LIPH: variants seen among roughly 807,000 people sequenced by gnomAD.
LIPH encodes the protein lipase member H.
In LIPH, 32 loss-of-function variants were observed where a neutral mutation model predicts 47.6. The ratio of observed to expected loss-of-function variants is 0.67; its 90% CI spans 0.51 to 0.90. The LOEUF (loss-of-function observed/expected upper bound fraction) is 0.90, where lower values mean the gene tolerates loss of function less well. Ranked by LOEUF, LIPH falls within the 40% of genes least tolerant of loss-of-function variation. The pLI is 0.00. For missense variants in LIPH, 497 were observed against 541.4 expected (o/e 0.92, Z 0.81); for synonymous variants, 190 against 195.6 (o/e 0.97, Z 0.24).
intron 3 of LIPH, among the ~76,000 whole-genome samples, chr3:185,528,244 G>T (rs1168366823): frequency 7.1e-6 from 1 of 141,144 alleles, no homozygotes; most frequent in African/African-American, 2.7e-5. Flanking sequence ...GAGAGAGAGA[G>T]AGAAAGAAAA....
intron 3 of LIPH, among the ~76,000 whole-genome samples, chr3:185,528,323 G>GAAGAAGAAAGAAAGAAAGAAAGAAAGA (rs1553822829): frequency 8.0e-6 from 1 of 125,514 alleles, no homozygotes; most frequent in Admixed American, 8.9e-5. Flanking sequence ...AAGAAAGAAA[G>GAAGAAGAAAGAAAGAAAGAAAGAAAGA]AAGAAAGAAA....
At chr3:185,529,405 C>T (rs1368911488) in intron 3 of LIPH, among the ~76,000 whole-genome samples, 1 of 141,626 alleles carries the variant, frequency 7.1e-6, no homozygotes, top group Admixed American at 7.2e-5. Flanking sequence ...TAAGTTCTAG[C>T]CTTTTTCTTT....
chr3:185,548,172 C>T (rs571941795), intron 1 of LIPH, among the ~76,000 whole-genome samples: 3 of 152,142 alleles, frequency 2.0e-5, no homozygotes, highest in South Asian at 4.1e-4. Flanking sequence ...GTTGGGAGGC[C>T]GAGGCGGGCG....
At position 185,540,270 on chromosome 3, in the gene LIPH, C is replaced by G. The variant is rs543716051; in HGVS notation, c.50-5138G>C. Among the ~76,000 whole-genome samples the G allele has an allele frequency of 2.5e-3, 385 of 152,292 alleles. 1 individual carries two copies. Among genetic ancestry groups the G allele is most frequent in the African/African-American group, 8.9e-3 (370 of 41,562 alleles). ...AATGCTATGTTTTCCAGGGTTAGTG[C>G]CTTCTAGGTTCACTATCTTTTGCTT... is the stretch of plus-strand genomic sequence containing the variant. On this transcript the variant is annotated intron_variant, in intron 1 of 9. Coordinates refer to ENST00000296252, the MANE Select transcript of LIPH (RefSeq NM_139248.3).
At chr3:185,530,934 T>C (rs972854073) in intron 3 of LIPH, among the ~76,000 whole-genome samples, 4 of 152,154 alleles carry the variant, frequency 2.6e-5, no homozygotes, top group Non-Finnish European at 4.4e-5. Flanking sequence ...AGATTCATGA[T>C]GAATAAAACA....
intron 9 of LIPH, among the ~76,000 whole-genome samples, chr3:185,511,224 G>A (rs1719551973): frequency 6.6e-6 from 1 of 151,080 alleles, no homozygotes; most frequent in Non-Finnish European, 1.5e-5. Context: ...TTCTGTTTTG[G>A]GTTGTTTTTT....
intron 3 of LIPH, among the ~76,000 whole-genome samples, chr3:185,529,973 AG>A (rs1720277871): frequency 1.8e-5 from 1 of 56,178 alleles, no homozygotes; most frequent in African/African-American, 5.6e-5. Flanking sequence ...AAGGAAAGAA[AG>A]AAAGAGAGAG....
chr3:185,522,658 G>GAAAGAAAGA (rs1553821808), intron 5 of LIPH, among the ~76,000 whole-genome samples: 5 of 23,654 alleles, frequency 2.1e-4, no homozygotes, highest in African/African-American at 3.8e-4. Flanking sequence ...GAAAAAGAAA[G>GAAAGAAAGA]AAAGAAAGAA....
intron 3 of LIPH, among the ~76,000 whole-genome samples, chr3:185,530,344 G>A (rs973169044): frequency 3.3e-5 from 5 of 152,064 alleles, no homozygotes; most frequent in Admixed American, 2.0e-4. Flanking sequence ...CAGGCGTGGT[G>A]GCAGGCACCT....
chr3:185,544,292 T>C (rs1279537383), intron 1 of LIPH, among the ~76,000 whole-genome samples: 1 of 152,126 alleles, frequency 6.6e-6, no homozygotes, highest in African/African-American at 2.4e-5. Context: ...TTCTACTATT[T>C]TCTTGTACTG....
intron 1 of LIPH, among the ~76,000 whole-genome samples, chr3:185,546,352 C>CAAAAA (rs56984831): frequency 0.058 from 3,498 of 60,286 alleles, 82 homozygotes; most frequent in East Asian, 0.26. Context: ...GACTCCGTCT[C>CAAAAA]AAAAAAAAAA....
intron 9 of LIPH, among the ~76,000 whole-genome samples, chr3:185,510,088 A>G (rs1483598163): frequency 6.6e-6 from 1 of 151,808 alleles, no homozygotes; most frequent in East Asian, 1.9e-4. Context: ...CTGGGATTAC[A>G]GGTGCACACC....
intron 3 of LIPH, 57 bp from the exon 4 acceptor site, chr3:185,527,642 G>A: frequency 8.8e-7 from 1 of 1,138,128 alleles, no homozygotes. Context: ...CTGCAGCCGG[G>A]CCTTTGATCC....
intron 7 of LIPH, among the ~76,000 whole-genome samples, chr3:185,514,847 C>A (rs139726139): frequency 4.1e-4 from 63 of 152,218 alleles, no homozygotes; most frequent in African/African-American, 1.5e-3. Context: ...TAGACTCAAC[C>A]AACTAAGGGG....
At chr3:185,552,255 T>TTTAAGGAAATG (rs1490947385) in intron 1 of LIPH, among the ~76,000 whole-genome samples, 168 bp downstream of exon 1, 1 of 151,888 alleles carries the variant, frequency 6.6e-6, no homozygotes, top group African/African-American at 2.4e-5. Context: ...TTTTTTTTTT[T>TTTAAGGAAATG]TTAAGGAAAT....
intron 1 of LIPH, among the ~76,000 whole-genome samples, chr3:185,544,269 G>C (rs1720800464): frequency 6.6e-6 from 1 of 151,938 alleles, no homozygotes; most frequent in Admixed American, 6.6e-5. Flanking sequence ...CTTTCCTTCA[G>C]GAAAAATCAA....
chr3:185,539,520 G>C (rs1449078978), intron 1 of LIPH, among the ~76,000 whole-genome samples: 1 of 151,220 alleles, frequency 6.6e-6, no homozygotes, highest in African/African-American at 2.4e-5. Flanking sequence ...ATAGGTGCCC[G>C]CCACCACGCT....
chr3:185,524,689 T>A (rs951113142), intron 4 of LIPH, among the ~76,000 whole-genome samples: 1 of 152,128 alleles, frequency 6.6e-6, no homozygotes, highest in African/African-American at 2.4e-5. Flanking sequence ...GACCTCGCGA[T>A]CTGCCCGCCT....
chr3:185,540,853 T>G (rs1216156339), intron 1 of LIPH, among the ~76,000 whole-genome samples: 1 of 152,152 alleles, frequency 6.6e-6, no homozygotes. Flanking sequence ...ACTTAATTAT[T>G]CACCAATGTG....
Sources: allele counts gnomAD v4.1 joint callset (sites outside exome capture counted in the v4.1 genomes callset), GRCh38; gene constraint gnomAD v4.1.1; transcripts MANE v1.5; gene names NCBI Gene and HGNC (gene_info 2026-07-23, HGNC 2026-07-21).